The following GALNT17 variants were observed in gnomAD, a reference collection of about 807,000 sequenced individuals.
The protein encoded by GALNT17 is polypeptide N-acetylgalactosaminyltransferase 17.
Under a neutral mutation model 63.7 loss-of-function variants are expected in GALNT17, and 29 were observed. That is an observed-to-expected ratio of 0.46 (90% CI 0.34 to 0.62). The LOEUF (loss-of-function observed/expected upper bound fraction) is 0.62, where lower values mean the gene tolerates loss of function less well. Among genes scored for constraint, GALNT17 ranks in the 20% least tolerant of loss-of-function variants. The probability of loss-of-function intolerance (pLI) is 0.01; values close to 1 mark genes in which losing one functional copy is unlikely to be tolerated. For missense variants in GALNT17, 603 were observed against 799.6 expected, an observed-to-expected ratio of 0.75 and a Z score of 2.97; for synonymous variants, 305 against 318.3, an observed-to-expected ratio of 0.96 and a Z score of 0.45.
intron 5 of GALNT17, among the ~76,000 whole-genome samples, chr7:71,468,211 G>T (rs899906865): frequency 4.0e-5 from 6 of 151,818 alleles, no homozygotes; most frequent in African/African-American, 1.5e-4. Context: ...AAATTTTCTT[G>T]TAGAGATAGA....
At chr7:71,512,742 C>T (rs1174782384) in intron 5 of GALNT17, among the ~76,000 whole-genome samples, 1 of 152,192 alleles carries the variant, frequency 6.6e-6, no homozygotes, top group East Asian at 1.9e-4. Flanking sequence ...CTGCCCTAGG[C>T]ATTGTTCCCT....
intron 9 of GALNT17, among the ~76,000 whole-genome samples, chr7:71,704,212 T>C (rs1472452967): frequency 6.6e-6 from 1 of 152,176 alleles, no homozygotes; most frequent in African/African-American, 2.4e-5. Flanking sequence ...TTAAACACAC[T>C]ACTTGCACTG....
rs148784480 is a variant in GALNT17, at chr7:71,407,380, C to A, written c.590-8509C>A. On this transcript the variant is annotated intron_variant, in intron 3 of 10. Coordinates refer to ENST00000333538, the MANE Select transcript of GALNT17 (RefSeq NM_022479.3). ...GAGCAAGCCTGCAGTCCATCAATTA[C>A]CAGCATGGGGGTTGGAAGAACCCCC... 2.6e-5 allele frequency among the ~76,000 whole-genome samples: 4 copies of A among 152,242 alleles called. No homozygotes were observed. The East Asian group carries it at 7.7e-4, about 29-fold the overall frequency.
chr7:71,424,107 A>AGT (rs1406489129), intron 5 of GALNT17, among the ~76,000 whole-genome samples: 1 of 152,212 alleles, frequency 6.6e-6, no homozygotes, highest in African/African-American at 2.4e-5. Context: ...TTCATCATGC[A>AGT]GTGTTTCAGG....
chr7:71,578,588 C>G (rs760979191), intron 6 of GALNT17, among the ~76,000 whole-genome samples: 2 of 152,212 alleles, frequency 1.3e-5, no homozygotes, highest in South Asian at 2.1e-4. Flanking sequence ...GGGACTGTTC[C>G]ATCTCAGCCT....
chr7:71,186,003 C>T (rs1288071524), intron 1 of GALNT17, among the ~76,000 whole-genome samples: 1 of 152,096 alleles, frequency 6.6e-6, no homozygotes, highest in African/African-American at 2.4e-5. Context: ...TTCAAGATTC[C>T]TTTATGCCCT....
intron 9 of GALNT17, among the ~76,000 whole-genome samples, chr7:71,702,574 G>C (rs890818195): frequency 6.6e-6 from 1 of 152,190 alleles, no homozygotes; most frequent in African/African-American, 2.4e-5. Flanking sequence ...TTTCAGCAGA[G>C]AGATGGCACA....
intron 1 of GALNT17, among the ~76,000 whole-genome samples, chr7:71,290,785 A>T (rs147059551): frequency 6.6e-6 from 1 of 152,120 alleles, no homozygotes; most frequent in African/African-American, 2.4e-5. Context: ...TTACTGTTCT[A>T]CAGACTCTTA....
intron 1 of GALNT17, among the ~76,000 whole-genome samples, chr7:71,213,344 A>G (rs1789417226): frequency 6.6e-6 from 1 of 152,224 alleles, no homozygotes. Context: ...TGTAAGTCCA[A>G]TTAAACCTCT....
At chr7:71,281,987 T>A (rs1465231) in intron 1 of GALNT17, among the ~76,000 whole-genome samples, 3 of 151,960 alleles carry the variant, frequency 2.0e-5, no homozygotes, top group Admixed American at 1.3e-4. Flanking sequence ...CACAGGTTGC[T>A]TCTATGTGTT....
chr7:71,551,364 C>T (rs1789073147), intron 5 of GALNT17, among the ~76,000 whole-genome samples: 2 of 152,096 alleles, frequency 1.3e-5, no homozygotes, highest in Admixed American at 1.3e-4. Flanking sequence ...TTTAAGCTTG[C>T]TTTTTAATTT....
intron 1 of GALNT17, among the ~76,000 whole-genome samples, chr7:71,256,519 A>G (rs572855673): frequency 2.0e-5 from 3 of 152,184 alleles, no homozygotes; most frequent in Non-Finnish European, 4.4e-5. Context: ...TGCAGGTTGC[A>G]GTGGATGGCA....
intron 3 of GALNT17, 53 bp from the exon 4 acceptor site, chr7:71,415,836 G>A: frequency 1.3e-6 from 2 of 1,499,464 alleles, no homozygotes; most frequent in Non-Finnish European, 1.8e-6. Flanking sequence ...TGGGTTAGAT[G>A]CAAATTTGAA....
At chr7:71,404,878 G>A (rs147046208) in intron 3 of GALNT17, among the ~76,000 whole-genome samples, 101 of 152,288 alleles carry the variant, frequency 6.6e-4, no homozygotes, top group African/African-American at 2.3e-3. Flanking sequence ...AAAAGGAGGC[G>A]CCTGCCTCAA....
At chr7:71,685,262 G>A (rs1042402661) in intron 9 of GALNT17, among the ~76,000 whole-genome samples, 5 of 152,120 alleles carry the variant, frequency 3.3e-5, no homozygotes, top group African/African-American at 9.7e-5. Context: ...GAAGCAGGTG[G>A]TTCAGGGTGG....
intron 1 of GALNT17, among the ~76,000 whole-genome samples, chr7:71,278,087 G>A (rs1790713741): frequency 6.6e-6 from 1 of 152,058 alleles, no homozygotes; most frequent in Admixed American, 6.5e-5. Flanking sequence ...GTGGGATGGG[G>A]GATGCAGCAA....
chr7:71,558,850 A>T (rs985220823), intron 5 of GALNT17, among the ~76,000 whole-genome samples: 4 of 152,192 alleles, frequency 2.6e-5, no homozygotes, highest in East Asian at 1.9e-4. Flanking sequence ...GCCCAGACAG[A>T]AATCAGTCAG....
chr7:71,548,312 T>C (rs1454882230), intron 5 of GALNT17, among the ~76,000 whole-genome samples: 1 of 152,060 alleles, frequency 6.6e-6, no homozygotes, highest in Non-Finnish European at 1.5e-5. Context: ...GTGGTTGAGA[T>C]GCATTCCTGT....
rs1007804921 is a variant in GALNT17 at position 71,452,299 on chromosome 7, A to G, written c.962+31194A>G. On this transcript the variant is annotated intron_variant, in intron 5 of 10. Coordinates refer to ENST00000333538, the MANE Select transcript of GALNT17 (RefSeq NM_022479.3). ...GGTGGCTTACGCCTGTAATCCCAGCACTTTGGGAGGCTGAGGTGGGAGGAT... is the reference window on the plus strand; with the variant it reads ...GGTGGCTTACGCCTGTAATCCCAGCGCTTTGGGAGGCTGAGGTGGGAGGAT... Among the ~76,000 whole-genome samples, 64 of 151,540 alleles carry G rather than the reference A, an allele frequency of 4.2e-4. 3 individuals carry two copies. Among genetic ancestry groups the G allele is most frequent in the Non-Finnish European group, 1.5e-5 (1 of 67,936 alleles).
Sources: allele counts gnomAD v4.1 joint callset (sites outside exome capture counted in the v4.1 genomes callset), GRCh38; gene constraint gnomAD v4.1.1; transcripts MANE v1.5; gene names NCBI Gene and HGNC (gene_info 2026-07-23, HGNC 2026-07-21).